Variants in CENPF observed in about 807,000 individuals in gnomAD.
CENPF encodes the protein AH antigen.
Under a neutral mutation model 307.3 loss-of-function variants are expected in CENPF, and 214 were observed. The observed-to-expected ratio is 0.70, with a 90% CI of 0.62 to 0.78. The LOEUF (loss-of-function observed/expected upper bound fraction) is 0.78, where lower values mean the gene tolerates loss of function less well. CENPF is among the 30% of genes least tolerant of loss of function. CENPF has a pLI of 0.00. For missense variants in CENPF, 3,401 were observed against 3,483.9 expected (o/e 0.98, Z 0.60); for synonymous variants, 1,259 against 1,270.6 (o/e 0.99, Z 0.19).
chr1:214,619,612 C>A (rs1657452106), intron 5 of CENPF, among the ~76,000 whole-genome samples: 2 of 152,108 alleles, frequency 1.3e-5, no homozygotes, highest in African/African-American at 2.4e-5. Context: ...TGAATTTTAC[C>A]TCTACCATTT....
chr1:214,622,825 G>A (rs1054935992), intron 7 of CENPF, among the ~76,000 whole-genome samples: 2 of 122,392 alleles, frequency 1.6e-5, no homozygotes, highest in African/African-American at 8.6e-5. Context: ...AAGTATTTAG[G>A]GGGAAAAAAG....
At chr1:214,635,868 T>C (rs1657952680) in intron 10 of CENPF, among the ~76,000 whole-genome samples, 2 of 152,208 alleles carry the variant, frequency 1.3e-5, no homozygotes, top group Non-Finnish European at 2.9e-5. Context: ...CATCTTTCCC[T>C]GGTGCCCTCT....
chr1:214,662,483 T>A (rs1455259360), intron 19 of CENPF, among the ~76,000 whole-genome samples: 1 of 152,192 alleles, frequency 6.6e-6, no homozygotes, highest in Non-Finnish European at 1.5e-5. Context: ...ATGCTTCCTA[T>A]GGAAAGAATA....
chr1:214,630,378 A>G (rs1325234839), intron 8 of CENPF, among the ~76,000 whole-genome samples, 156 bp from the exon 9 acceptor site: 1 of 152,072 alleles, frequency 6.6e-6, no homozygotes, highest in African/African-American at 2.4e-5. Context: ...TGGAGCACCA[A>G]GGCTGACTAT....
chr1:214,618,560 C>A lies in CENPF; in HGVS notation c.360-13C>A. On this transcript the variant is annotated splice_polypyrimidine_tract_variant and intron_variant, in intron 3 of 19. Coordinates refer to ENST00000366955, the MANE Select transcript of CENPF (RefSeq NM_016343.4). ...TAACTGATTTGTCTGCCTCTTGGGT[C>A]CTTTTCTAACAGGTGTAAATCTGAG... 6.2e-7 allele frequency: 1 copy of A among 1,612,884 alleles called. No homozygotes were observed. Among genetic ancestry groups the A allele is most frequent in the South Asian group, 1.1e-5 (1 of 90,750 alleles).
At chr1:214,633,837 G>C (rs184276872) in intron 10 of CENPF, among the ~76,000 whole-genome samples, 19 of 152,314 alleles carry the variant, frequency 1.2e-4, no homozygotes, top group African/African-American at 4.1e-4. Context: ...TTTGGCCAGT[G>C]GGGACCAACC....
intron 7 of CENPF, among the ~76,000 whole-genome samples, chr1:214,622,713 A>C (rs961767186): frequency 2.8e-5 from 4 of 145,206 alleles, no homozygotes; most frequent in Non-Finnish European, 5.9e-5. Flanking sequence ...GATTCAACCA[A>C]CTATGGATCG....
At chr1:214,608,961 C>T (rs933001549) in intron 1 of CENPF, 3 of 959,256 alleles carry the variant, frequency 3.1e-6, no homozygotes, top group Non-Finnish European at 2.8e-6. Context: ...GGCGCCCCCC[C>T]AGCTACGGCC....
intron 1 of CENPF, among the ~76,000 whole-genome samples, chr1:214,612,578 G>A (rs1657228714): frequency 6.6e-6 from 1 of 152,166 alleles, no homozygotes; most frequent in Non-Finnish European, 1.5e-5. Flanking sequence ...TCCCACAGGA[G>A]AAGGCAGAGG....
At chr1:214,647,926 C>T in intron 13 of CENPF, 1 of 447,370 alleles carries the variant, frequency 2.2e-6, no homozygotes, top group South Asian at 1.7e-5. Context: ...GCTTTCAGTC[C>T]CTCTTATACC....
At position 214,655,294 on chromosome 1, in the gene CENPF, G is replaced by C. The variant is rs373154133; in HGVS notation, c.8376G>C (p.Gln2792His). The C allele has an allele frequency of 6.2e-7, 1 of 1,609,804 alleles. No individual in the cohort carries two copies. The highest frequency in any genetic ancestry group is 1.1e-5 in the South Asian group (1 of 90,164). ...NQLKKENERAQGKMKLLIKSC... is the reference protein window; with the variant it reads ...NQLKKENERAHGKMKLLIKSC... ...TGAAGAAGGAAAATGAACGTGCCCA[G>C]GGGAAAATGAAGTTGTTGATCAAAT... Residue 2792 changes from glutamine (Q) to histidine (H), a missense_variant, in exon 17 of 20, where the codon CAG becomes CAC. Physicochemically the swap from Gln to His is conservative, Grantham distance 24. Transcript: ENST00000366955.
intron 11 of CENPF, among the ~76,000 whole-genome samples, chr1:214,638,559 T>C (rs2102556025): frequency 6.6e-6 from 1 of 152,380 alleles, no homozygotes; most frequent in East Asian, 1.9e-4. Flanking sequence ...GCCGGATGTC[T>C]TCTACATACC....
rs547831083 is a variant in CENPF at position 214,605,603 on chromosome 1, C to T, written c.-42+2282C>T. 5.6e-4 allele frequency: 743 copies of T among 1,334,558 alleles called. 4 individuals are homozygous for T. The African/African-American group carries it at 9.3e-3, about 17-fold the overall frequency. 82.7% of individuals were successfully genotyped at this position (1,334,558 alleles called of 1,614,324 possible). A position where few individuals can be genotyped will look rare whatever the true frequency, so the allele number is the denominator to read the frequency against. On this transcript the variant is annotated intron_variant, in intron 1 of 19. Coordinates refer to ENST00000366955, the MANE Select transcript of CENPF (RefSeq NM_016343.4). ...GGCCGCCCGGGGGTCCACATGCAGC[C>T]CCTGGGGGGCCGGCGCGGGGTGAGG...
chr1:214,613,044 C>T, intron 1 of CENPF: 1 of 337,928 alleles, frequency 3.0e-6, no homozygotes, highest in Non-Finnish European at 5.6e-6. Flanking sequence ...TCTTGTAGGA[C>T]AACTTTGATG....
chr1:214,657,021 T>A lies in CENPF; in HGVS notation c.8574T>A (p.Asp2858Glu). Reference protein sequence around the residue: ...ETLEEKTKEADEYLDKYCSLL... With the variant: ...ETLEEKTKEAEEYLDKYCSLL... Reference sequence around the variant, plus strand: ...TTGAAGAAAAAACCAAGGAGGCAGATGAATACTTGGATAAGTACTGTTCCT... The same window carrying A: ...TTGAAGAAAAAACCAAGGAGGCAGAAGAATACTTGGATAAGTACTGTTCCT... The change falls in exon 18 of 20, where the codon GAT becomes GAA. Residue 2858 changes from aspartate to glutamate, a missense_variant. Transcript: ENST00000366955. 1.9e-6 allele frequency: 3 copies of A among 1,614,024 alleles called. No individual in the cohort carries two copies. The highest frequency in any genetic ancestry group is 2.5e-6 in the Non-Finnish European group (3 of 1,179,992).
intron 2 of CENPF, 102 bp downstream of exon 2, chr1:214,614,018 T>C: frequency 3.5e-6 from 4 of 1,138,838 alleles, no homozygotes; most frequent in Non-Finnish European, 4.8e-6. Context: ...TTATTTCATC[T>C]TCTTTACATT....
Position 214,622,068 on chromosome 1 carries a change from T to G in CENPF, c.866-11T>G. The G allele has an allele frequency of 6.2e-7, 1 of 1,605,602 alleles. No homozygotes were observed. Among genetic ancestry groups the G allele is most frequent in the Non-Finnish European group, 8.5e-7 (1 of 1,176,358 alleles). On this transcript the variant is annotated splice_polypyrimidine_tract_variant and intron_variant, in intron 6 of 19. Transcript: ENST00000366955. ...TATGAATTGGAGTGTGATTTTTGTT[T>G]GTGGTTCAAGAGCTAAGAAACAAGA...
At chr1:214,609,339 T>C (rs1657138736) in intron 1 of CENPF, among the ~76,000 whole-genome samples, 1 of 152,192 alleles carries the variant, frequency 6.6e-6, no homozygotes, top group African/African-American at 2.4e-5. Flanking sequence ...CATGCATGCA[T>C]TCATTATTAA....
rs1160317148 is a variant in CENPF at position 214,659,816 on chromosome 1, A to G, written c.9141+788A>G. Among the ~76,000 whole-genome samples the G allele has an allele frequency of 6.6e-6, 1 of 152,138 alleles. No individual in the cohort carries two copies. The highest frequency in any genetic ancestry group is 2.4e-5 in the African/African-American group (1 of 41,438). On this transcript the variant is annotated intron_variant, in intron 19 of 19. Coordinates refer to ENST00000366955, the MANE Select transcript of CENPF (RefSeq NM_016343.4). The surrounding 1 kb of genome is among the most constrained non-coding windows in gnomAD (Gnocchi z 4.4). ...TCAACTCCACAGTCTTGATCTTTCTACGATACCAGTGTTTCTCAGACTGGG... is the reference window on the plus strand; with the variant it reads ...TCAACTCCACAGTCTTGATCTTTCTGCGATACCAGTGTTTCTCAGACTGGG...
Sources: allele counts gnomAD v4.1 joint callset (sites outside exome capture counted in the v4.1 genomes callset), GRCh38; gene constraint gnomAD v4.1.1; non-coding constraint Gnocchi (gnomAD v3.1); transcripts MANE v1.5; gene names NCBI Gene and HGNC (gene_info 2026-07-23, HGNC 2026-07-21).